Variants in ZMIZ1 observed in about 807,000 individuals in gnomAD.
ZMIZ1 encodes the protein zinc finger MIZ domain-containing protein 1.
In ZMIZ1, 17 loss-of-function variants were observed where a neutral mutation model predicts 113.9. The ratio of observed to expected loss-of-function variants is 0.15; its 90% CI spans 0.10 to 0.22. ZMIZ1 has a LOEUF of 0.22. ZMIZ1 is among the 10% of genes least tolerant of loss of function. The probability of loss-of-function intolerance (pLI) is 1.00; values close to 1 mark genes in which losing one functional copy is unlikely to be tolerated. For synonymous variants in ZMIZ1, 607 were observed against 603.1 expected (o/e 1.01, Z -0.09); for missense variants, 1,059 against 1,477.8 (o/e 0.72, Z 4.65).
chr10:79,114,510 T>TGC (rs1564658536), intron 1 of ZMIZ1, among the ~76,000 whole-genome samples: 10 of 114,602 alleles, frequency 8.7e-5, no homozygotes, highest in Admixed American at 1.9e-4. Context: ...TGTGTGCGTG[T>TGC]GTGTGTGTGT....
intron 2 of ZMIZ1, among the ~76,000 whole-genome samples, chr10:79,123,748 C>T (rs1844396744): frequency 6.6e-6 from 1 of 152,202 alleles, no homozygotes; most frequent in African/African-American, 2.4e-5. Flanking sequence ...TTTAGGCTGC[C>T]GGCATGCACA....
In ZMIZ1 at chr10:79,070,149, G is replaced by C. The variant is rs185182283; in HGVS notation, c.-337+879G>C. On this transcript the variant is annotated intron_variant, in intron 1 of 24. Coordinates refer to ENST00000334512, the MANE Select transcript of ZMIZ1 (RefSeq NM_020338.4). ...GGGCCGGGGCTGGAGCCGGGGTCGG[G>C]GGGGGGAGGCGGGTTCTGGAAGCTT... Among the ~76,000 whole-genome samples, 92 of 151,756 alleles carry C rather than the reference G, an allele frequency of 6.1e-4. 1 individual carries two copies. In the East Asian group the frequency reaches 0.012, roughly 19 times the overall value.
chr10:79,270,970 C>T (rs866735011), intron 7 of ZMIZ1, among the ~76,000 whole-genome samples: 4 of 152,170 alleles, frequency 2.6e-5, no homozygotes, highest in Non-Finnish European at 2.9e-5. Context: ...GGGCCACCGG[C>T]GCCTTGCCAC....
chr10:79,247,736 C>A (rs1250321634), intron 7 of ZMIZ1, among the ~76,000 whole-genome samples: 3 of 152,206 alleles, frequency 2.0e-5, no homozygotes, highest in African/African-American at 7.2e-5. Flanking sequence ...CTCACATTTT[C>A]TGAGACTGAG....
chr10:79,292,498 A>G lies in ZMIZ1; in HGVS notation c.957+142A>G, dbSNP rs1156419269. The G allele has an allele frequency of 1.1e-5, 13 of 1,137,464 alleles. No individual in the cohort carries two copies. In the East Asian group the frequency reaches 2.9e-4, roughly 25 times the overall value. 70.5% of individuals were successfully genotyped at this position (1,137,464 alleles called of 1,614,324 possible). ...TGCATTAGGGTGCATTTGGGCTTTCATGGAAGCATGTGGAGGTCTGTGTGT... is the reference window on the plus strand; with the variant it reads ...TGCATTAGGGTGCATTTGGGCTTTCGTGGAAGCATGTGGAGGTCTGTGTGT... On this transcript the variant is annotated intron_variant, in intron 11 of 24. Coordinates refer to ENST00000334512, the MANE Select transcript of ZMIZ1 (RefSeq NM_020338.4).
chr10:79,147,832 C>T (rs1845554911), intron 3 of ZMIZ1, among the ~76,000 whole-genome samples: 1 of 152,196 alleles, frequency 6.6e-6, no homozygotes, highest in African/African-American at 2.4e-5. Flanking sequence ...AGGTGTGAGC[C>T]AGACCCTGGG....
At chr10:79,127,536 A>G (rs1267699678) in intron 2 of ZMIZ1, among the ~76,000 whole-genome samples, 1 of 138,236 alleles carries the variant, frequency 7.2e-6, no homozygotes, top group Admixed American at 7.3e-5. Flanking sequence ...CCCCTGACTC[A>G]TGTCACCCTC....
rs1365406878 is a variant in ZMIZ1, at chr10:79,069,101, C to CT, written c.-506_-505insT. 6.7e-6 allele frequency: 1 copy of CT among 150,154 alleles called. No homozygotes were observed. Among genetic ancestry groups the CT allele is most frequent in the Non-Finnish European group, 1.5e-5 (1 of 67,142 alleles). The allele number at this position is 150,154 out of a possible 1,614,324, so 9.3% of individuals were successfully genotyped here. On this transcript the variant is annotated 5_prime_UTR_variant, in exon 1 of 25. Coordinates refer to ENST00000334512, the MANE Select transcript of ZMIZ1 (RefSeq NM_020338.4). The surrounding 1 kb of genome is among the most constrained non-coding windows in gnomAD (Gnocchi z 4.6). ...AGCAGCGATCGGGCGGCCGAGCGAG[C>CT]GAGCAACGCCGGCGCAGCGCGGTGA...
chr10:79,123,957 C>T (rs1844410162), intron 2 of ZMIZ1, among the ~76,000 whole-genome samples: 1 of 152,252 alleles, frequency 6.6e-6, no homozygotes, highest in Admixed American at 6.5e-5. Flanking sequence ...ACCTCTCCTC[C>T]CACTGCGTGA....
intron 22 of ZMIZ1, among the ~76,000 whole-genome samples, chr10:79,306,754 T>G (rs1299170900): frequency 6.6e-6 from 1 of 152,132 alleles, no homozygotes; most frequent in Non-Finnish European, 1.5e-5. Context: ...CCAGACCAAG[T>G]TTTACTCCTA....
chr10:79,148,891 C>T (rs944129510), intron 3 of ZMIZ1, among the ~76,000 whole-genome samples: 3 of 152,236 alleles, frequency 2.0e-5, no homozygotes, highest in African/African-American at 4.8e-5. Flanking sequence ...GGGCTTTCCT[C>T]CCTGCAGGCA....
rs201607875 is a variant in ZMIZ1, at chr10:79,302,109, C to T, written c.2022C>T (p.Ser674=). The change falls in exon 18 of 25, where the codon TCC becomes TCT. Residue 674 remains serine, a splice_region_variant and synonymous_variant. Transcript: ENST00000334512. ...GAGTGTCTCCTCTCTCCCCGCAGTCCCACCTCTTCGTGCTGCAGCTGGTAC... is the reference window on the plus strand; with the variant it reads ...GAGTGTCTCCTCTCTCCCCGCAGTCTCACCTCTTCGTGCTGCAGCTGGTAC... ...IQITVTACCC[S]HLFVLQLVHR... 1.3e-5 allele frequency: 21 copies of T among 1,613,836 alleles called. No homozygotes were observed. In the Admixed American group the frequency reaches 3.0e-4, roughly 23 times the overall value.
At chr10:79,123,846 A>G (rs913751561) in intron 2 of ZMIZ1, among the ~76,000 whole-genome samples, 14 of 152,222 alleles carry the variant, frequency 9.2e-5, no homozygotes, top group Non-Finnish European at 1.5e-4. Flanking sequence ...CCCAGCTCAC[A>G]GCAGGCCTGG....
chr10:79,231,545 A>G (rs1849394274), intron 7 of ZMIZ1, among the ~76,000 whole-genome samples: 1 of 151,114 alleles, frequency 6.6e-6, no homozygotes, highest in Admixed American at 6.6e-5. Context: ...TGCCCAGCCT[A>G]GGAAGCCTGG....
At chr10:79,181,621 C>T (rs1441795486) in intron 4 of ZMIZ1, among the ~76,000 whole-genome samples, 2 of 152,232 alleles carry the variant, frequency 1.3e-5, no homozygotes, top group African/African-American at 4.8e-5. Flanking sequence ...AAACCGTGGG[C>T]AGTGCTCACC....
At position 79,300,458 on chromosome 10, in the gene ZMIZ1, C is replaced by T. The variant is rs139260422; in HGVS notation, c.1809-274C>T. On this transcript the variant is annotated intron_variant, in intron 16 of 24. Coordinates refer to ENST00000334512, the MANE Select transcript of ZMIZ1 (RefSeq NM_020338.4). ...CTGGGGATCCAGGAGTTGACCCCTA[C>T]AGGGAGGACATTCCAGGGAGATGGG... 4.3e-3 allele frequency among the ~76,000 whole-genome samples: 662 copies of T among 152,230 alleles called. 1 individual carries two copies. Among genetic ancestry groups the T allele is most frequent in the African/African-American group, 0.014 (572 of 41,530 alleles).
In ZMIZ1 at chr10:79,313,839, G is replaced by C. The variant is rs1855361633; in HGVS notation, c.*1090G>C. ...ACTTCCCTCTGTCCTAGTTCTCTTT[G>C]TCCAATCAGATGGCAAGGGCAGTGC... On this transcript the variant is annotated 3_prime_UTR_variant, in exon 25 of 25. Coordinates refer to ENST00000334512, the MANE Select transcript of ZMIZ1 (RefSeq NM_020338.4). 2 of 357,430 alleles carry C rather than the reference G, an allele frequency of 5.6e-6. No individual in the cohort carries two copies. The highest frequency in any genetic ancestry group is 1.1e-5 in the Non-Finnish European group (2 of 180,508). 22.1% of individuals were successfully genotyped at this position (357,430 alleles called of 1,614,324 possible).
chr10:79,100,437 G>GAAAA (rs748608550), intron 1 of ZMIZ1, among the ~76,000 whole-genome samples: 2 of 110,726 alleles, frequency 1.8e-5, no homozygotes, highest in Non-Finnish European at 1.8e-5. Flanking sequence ...CACCATCTCT[G>GAAAA]AAAAAAAAAA....
At chr10:79,100,141 C>CTACCTGTA (rs1843309671) in intron 1 of ZMIZ1, among the ~76,000 whole-genome samples, 1 of 152,114 alleles carries the variant, frequency 6.6e-6, no homozygotes, top group African/African-American at 2.4e-5. Context: ...TGGGCATGTA[C>CTACCTGTA]TACCTGTAGC....
Sources: gnomAD v4.1 joint callset for allele counts (sites outside exome capture counted in the v4.1 genomes callset) on GRCh38, gnomAD v4.1.1 for gene constraint, Gnocchi (gnomAD v3.1) non-coding constraint, MANE v1.5 for transcripts, NCBI Gene and HGNC (gene_info 2026-07-23, HGNC 2026-07-21) for gene names.